Variants in CCDC191 observed in about 807,000 individuals in gnomAD.
CCDC191 encodes coiled-coil domain-containing protein 191.
Under a neutral mutation model 114.0 loss-of-function variants are expected in CCDC191, and 99 were observed. The ratio of observed to expected loss-of-function variants is 0.87; its 90% CI spans 0.74 to 1.03. The LOEUF is 1.03. Ranked by LOEUF, CCDC191 falls within the 50% of genes least tolerant of loss-of-function variation. The pLI is 0.00. For synonymous variants in CCDC191, 351 were observed against 376.0 expected, an observed-to-expected ratio of 0.93 and a Z score of 0.77; for missense variants, 973 against 1,087.0, an observed-to-expected ratio of 0.90 and a Z score of 1.47.
chr3:114,040,856 AGT>A (rs2076550539), intron 4 of CCDC191, among the ~76,000 whole-genome samples: 1 of 152,148 alleles, frequency 6.6e-6, no homozygotes, highest in Non-Finnish European at 1.5e-5. Flanking sequence ...GCCTTTATCA[AGT>A]TGAAGAATTT....
intron 6 of CCDC191, 45 bp from the exon 7 acceptor site, chr3:114,031,824 T>C: frequency 1.1e-6 from 1 of 883,332 alleles, no homozygotes; most frequent in Non-Finnish European, 1.8e-6. Context: ...ACAATAGATT[T>C]AAAAATGAGC....
intron 11 of CCDC191, chr3:114,003,860 C>A (rs1203353896): frequency 1.0e-6 from 1 of 985,410 alleles, no homozygotes; most frequent in Non-Finnish European, 1.2e-6. Flanking sequence ...TGTCAAAGTG[C>A]CAACCACCAC....
intron 13 of CCDC191, among the ~76,000 whole-genome samples, chr3:113,991,967 A>G (rs1367039874): frequency 6.6e-6 from 1 of 152,230 alleles, no homozygotes; most frequent in Non-Finnish European, 1.5e-5. Context: ...AGATGTGAGG[A>G]AAGCTATAAA....
In CCDC191 at chr3:114,010,755, C is replaced by G; in HGVS notation, c.1413+17G>C. On this transcript the variant is annotated intron_variant, in intron 9 of 16. Transcript: ENST00000295878. ...ACCTCAAATGCAAGTGTTTACTAAG[C>G]AGGAAAAACAACGTACCTGTCCATT... 6.3e-7 allele frequency: 1 copy of G among 1,586,230 alleles called. No homozygotes were observed. The highest frequency in any genetic ancestry group is 8.6e-7 in the Non-Finnish European group (1 of 1,164,226).
chr3:113,987,950 G>A (rs2075420407), intron 13 of CCDC191, among the ~76,000 whole-genome samples: 1 of 151,936 alleles, frequency 6.6e-6, no homozygotes, highest in East Asian at 1.9e-4. Context: ...GCTGAGGCAG[G>A]AGAATTGCTT....
At chr3:114,017,276 A>G (rs1280235846) in intron 8 of CCDC191, among the ~76,000 whole-genome samples, 2 of 152,150 alleles carry the variant, frequency 1.3e-5, no homozygotes, top group African/African-American at 2.4e-5. Flanking sequence ...GGAACATCCT[A>G]TTGACCATGA....
chr3:113,992,727 T>TA (rs112780146), intron 13 of CCDC191, among the ~76,000 whole-genome samples: 22 of 150,888 alleles, frequency 1.5e-4, no homozygotes, highest in South Asian at 4.2e-4. Context: ...TAAAGTATAA[T>TA]AAAAAAAAAG....
chr3:114,039,097 C>A lies in CCDC191; in HGVS notation c.416-2311G>T, dbSNP rs2076526543. ...GAATACTATGCAAAAAAAAGTGTAGCACATACAATTATATACAATACATAA... is the reference window on the plus strand; with the variant it reads ...GAATACTATGCAAAAAAAAGTGTAGAACATACAATTATATACAATACATAA... On this transcript the variant is annotated intron_variant, in intron 4 of 16. Coordinates refer to ENST00000295878, the MANE Select transcript of CCDC191 (RefSeq NM_020817.2). 3.3e-5 allele frequency among the ~76,000 whole-genome samples: 5 copies of A among 152,156 alleles called. No individual in the cohort carries two copies. The South Asian group carries it at 1.0e-3, about 32-fold the overall frequency.
chr3:114,032,738 G>A (rs988304001), intron 6 of CCDC191, among the ~76,000 whole-genome samples: 4 of 152,116 alleles, frequency 2.6e-5, no homozygotes, highest in African/African-American at 9.7e-5. Flanking sequence ...TTCATCACTT[G>A]CTTAAGGTGG....
chr3:114,012,353 A>G (rs779581397), intron 8 of CCDC191, among the ~76,000 whole-genome samples: 1 of 152,188 alleles, frequency 6.6e-6, no homozygotes, highest in Non-Finnish European at 1.5e-5. Context: ...AGCATATTTC[A>G]TTATATTTAA....
intron 2 of CCDC191, among the ~76,000 whole-genome samples, chr3:114,051,594 G>A (rs1190797992): frequency 6.6e-6 from 1 of 152,084 alleles, no homozygotes; most frequent in Non-Finnish European, 1.5e-5. Context: ...ATTAATTATG[G>A]TTAACTGCTT....
Position 114,009,813 on chromosome 3 carries a change from C to T in CCDC191, c.1413+959G>A, listed in dbSNP as rs561440324. On this transcript the variant is annotated intron_variant, in intron 9 of 16. Coordinates refer to ENST00000295878, the MANE Select transcript of CCDC191 (RefSeq NM_020817.2). ...AGGATGTTCACTGAAGCATTGTTCACAATGGCGGCAAACTGGAAACAACTT... is the reference window on the plus strand; with the variant it reads ...AGGATGTTCACTGAAGCATTGTTCATAATGGCGGCAAACTGGAAACAACTT... 1.1e-4 allele frequency among the ~76,000 whole-genome samples: 16 copies of T among 152,238 alleles called. No individual in the cohort carries two copies. In the South Asian group the frequency reaches 2.9e-3, roughly 28 times the overall value.
In CCDC191 at chr3:114,005,931, G is replaced by T. The variant is rs774127712; in HGVS notation, c.1445C>A (p.Pro482His). 6 of 1,614,014 alleles carry T rather than the reference G, an allele frequency of 3.7e-6. No individual in the cohort carries two copies. Among genetic ancestry groups the T allele is most frequent in the Non-Finnish European group, 5.1e-6 (6 of 1,179,958 alleles). ...ETAVPPLWEK[P>H]PLGSSGCMLS... ...CATACAACCACTGCTTCCCAAGGGA[G>T]GCTTTTCCCACAAAGGGGGCACAGC... Residue 482 changes from proline (P) to histidine (H), a missense_variant, in exon 10 of 17, where the codon CCT (proline) becomes CAT (histidine). By Grantham distance (77) the Pro-to-His change is moderately conservative. Coordinates refer to ENST00000295878, the MANE Select transcript of CCDC191 (RefSeq NM_020817.2).
chr3:114,013,140 G>A (rs2076100090), intron 8 of CCDC191, among the ~76,000 whole-genome samples: 1 of 152,042 alleles, frequency 6.6e-6, no homozygotes, highest in South Asian at 2.1e-4. Flanking sequence ...CAGCTACTTG[G>A]GAGGCTGAAG....
chr3:113,977,280 T>G (rs1941439879), intron 16 of CCDC191, among the ~76,000 whole-genome samples: 2 of 151,954 alleles, frequency 1.3e-5, no homozygotes, highest in Non-Finnish European at 2.9e-5. Context: ...CAGAGTAATG[T>G]TGAGAAAAGG....
intron 5 of CCDC191, among the ~76,000 whole-genome samples, chr3:114,036,292 C>G (rs2076481926): frequency 6.6e-6 from 1 of 152,122 alleles, no homozygotes; most frequent in Non-Finnish European, 1.5e-5. Flanking sequence ...AAACCAAACT[C>G]AAGCACACAC....
intron 13 of CCDC191, among the ~76,000 whole-genome samples, chr3:113,988,950 C>T (rs2075465137): frequency 6.6e-6 from 1 of 152,018 alleles, no homozygotes. Flanking sequence ...CCCACCACCA[C>T]ACCCGGCTAA....
At chr3:114,002,749 G>A in intron 11 of CCDC191, 1 of 926,266 alleles carries the variant, frequency 1.1e-6, no homozygotes, top group Non-Finnish European at 1.3e-6. Context: ...CCTCAGCAAT[G>A]AGGAACAATT....
intron 3 of CCDC191, 132 bp downstream of exon 3, chr3:114,046,459 T>G (rs774471879): frequency 1.5e-5 from 10 of 667,818 alleles, no homozygotes; most frequent in Non-Finnish European, 2.4e-5. Context: ...CAGAGTAAAA[T>G]AGTTTCAGGG....
Sources: gnomAD v4.1 joint callset for allele counts (sites outside exome capture counted in the v4.1 genomes callset) on GRCh38, gnomAD v4.1.1 for gene constraint, MANE v1.5 for transcripts, NCBI Gene and HGNC (gene_info 2026-07-23, HGNC 2026-07-21) for gene names.